Variants in PROX1 observed in about 807,000 individuals in gnomAD.
PROX1 encodes the protein prospero homeobox protein 1.
In PROX1, 7 loss-of-function variants were observed where a neutral mutation model predicts 58.8. The observed-to-expected ratio is 0.12, with a 90% confidence interval of 0.07 to 0.22. The LOEUF is 0.22. Ranked by LOEUF, PROX1 falls within the 10% of genes least tolerant of loss-of-function variation. The pLI is 1.00. For missense variants in PROX1, 675 were observed against 927.8 expected (o/e 0.73, Z 3.54); for synonymous variants, 350 against 358.3 (o/e 0.98, Z 0.26).
At chr1:213,988,788 TG>T in intron 1 of PROX1, 3 of 152,286 alleles carry the variant, frequency 2.0e-5, no homozygotes, top group East Asian at 2.0e-4. Context: ...GCGGTGGCGA[TG>T]GGGGGGAGGC....
chr1:214,007,164 T>A (rs1474654001), intron 3 of PROX1, among the ~76,000 whole-genome samples: 1 of 152,228 alleles, frequency 6.6e-6, no homozygotes, highest in African/African-American at 2.4e-5. Context: ...TTCCCATTCC[T>A]CTAGAATGCC....
intron 2 of PROX1, among the ~76,000 whole-genome samples, chr1:213,999,732 C>A (rs1268894118): frequency 3.3e-5 from 5 of 152,094 alleles, no homozygotes; most frequent in Non-Finnish European, 4.4e-5. Context: ...TCACTTGGAC[C>A]TTTTGAAGAT....
Position 213,996,472 on chromosome 1 carries a change from C to T in PROX1, c.-64C>T. The T allele has an allele frequency of 5.2e-6, 8 of 1,524,842 alleles. No homozygotes were observed. Among genetic ancestry groups the T allele is most frequent in the Admixed American group, 4.2e-5 (2 of 47,562 alleles). 94.5% of individuals were successfully genotyped at this position (1,524,842 alleles called of 1,614,324 possible). A position where few individuals can be genotyped will look rare whatever the true frequency, so the allele number is the denominator to read the frequency against. On this transcript the variant is annotated 5_prime_UTR_variant, in exon 2 of 5. Coordinates refer to ENST00000366958, the MANE Select transcript of PROX1 (RefSeq NM_001270616.2). The stretch of plus-strand genomic sequence containing the variant: ...GTCCTTTTGTTCTGTTGGCCAGGGT[C>T]CCGGGATTCTTGAGCTGTGCCCAGC...
intron 4 of PROX1, among the ~76,000 whole-genome samples, chr1:214,026,028 A>C (rs1011376377): frequency 6.6e-6 from 1 of 152,184 alleles, no homozygotes; most frequent in African/African-American, 2.4e-5. Context: ...CCAGATGAGC[A>C]ATTTCTGCAC....
chr1:214,012,327 C>G (rs570503390), intron 4 of PROX1, among the ~76,000 whole-genome samples: 2 of 152,142 alleles, frequency 1.3e-5, no homozygotes, highest in South Asian at 4.2e-4. Flanking sequence ...CCTAAGTGTA[C>G]CTTCACAAGC....
rs1187347455 is a variant in PROX1, at chr1:213,997,994, C to G, written c.1459C>G (p.Pro487Ala). 8.1e-6 allele frequency: 13 copies of G among 1,613,596 alleles called. No homozygotes were observed. Among genetic ancestry groups the G allele is most frequent in the East Asian group, 6.7e-5 (3 of 44,868 alleles). ...TSTFRHPFPL[P>A]LMAYPFQSPL... ...CACCTTCCGCCACCCCTTCCCCCTT[C>G]CCTTGATGGCCTATCCATTTCAGAG... The change falls in exon 2 of 5, where the codon CCC (proline) becomes GCC (alanine). Residue 487 changes from proline (P) to alanine (A), a missense_variant. Around this residue, in one of 8 missense-constraint regions of PROX1, gnomAD observed 403 missense variants for 477.4 expected, o/e 0.84. Transcript: ENST00000366958. The surrounding 1 kb of genome is among the most constrained non-coding windows in gnomAD (Gnocchi z 7.1).
chr1:214,020,231 T>C (rs1235920629), intron 4 of PROX1, among the ~76,000 whole-genome samples: 1 of 152,194 alleles, frequency 6.6e-6, no homozygotes, highest in Admixed American at 6.5e-5. Context: ...CCCCCCTCAC[T>C]ATTTCCTTGG....
intron 1 of PROX1, among the ~76,000 whole-genome samples, chr1:213,993,536 C>A (rs1283462575): frequency 2.0e-5 from 3 of 152,118 alleles, no homozygotes; most frequent in African/African-American, 7.2e-5. Context: ...GGTAACGTAA[C>A]AGTACATTTT....
upstream of PROX1, chr1:213,986,367 T>G (rs564802929): frequency 6.6e-6 from 1 of 152,220 alleles, no homozygotes; most frequent in Non-Finnish European, 1.5e-5. Context: ...TCCTTTTCAC[T>G]GTTTGAAATT....
intron 4 of PROX1, among the ~76,000 whole-genome samples, chr1:214,031,755 A>G (rs1440286727): frequency 3.3e-5 from 5 of 152,180 alleles, no homozygotes; most frequent in African/African-American, 1.2e-4. Context: ...CCCACAAAAC[A>G]TCAGAAAGTA....
rs1662878459 is a variant in PROX1 at position 213,988,192 on chromosome 1, TCTC to T, written c.-355_-353del. On this transcript the variant is annotated 5_prime_UTR_variant, in exon 1 of 5. Coordinates refer to ENST00000366958, the MANE Select transcript of PROX1 (RefSeq NM_001270616.2). ...CTTCCCTTAGCTCCTCTTCTTTTCT[TCTC>T]CTCTTCTTCCCTCTCCTCGCCTCTC... is the stretch of plus-strand genomic sequence containing the variant. The T allele has an allele frequency of 2.0e-5, 3 of 152,028 alleles. No homozygotes were observed. The highest frequency in any genetic ancestry group is 2.9e-5 in the Non-Finnish European group (2 of 68,470). 9.4% of individuals were successfully genotyped at this position (152,028 alleles called of 1,614,324 possible).
intron 1 of PROX1, among the ~76,000 whole-genome samples, chr1:213,991,229 G>A (rs555083229): frequency 4.6e-5 from 7 of 152,168 alleles, no homozygotes; most frequent in Non-Finnish European, 1.0e-4. Flanking sequence ...ACTATATCTG[G>A]CTTCTTAAAA....
In PROX1 at chr1:213,994,518, CT is replaced by C. The variant is rs1255564672; in HGVS notation, c.-67-1950del. 2.0e-5 allele frequency among the ~76,000 whole-genome samples: 3 copies of C among 151,932 alleles called. No homozygotes were observed. The East Asian group carries it at 5.8e-4, about 30-fold the overall frequency. On this transcript the variant is annotated intron_variant, in intron 1 of 4. Coordinates refer to ENST00000366958, the MANE Select transcript of PROX1 (RefSeq NM_001270616.2). ...TTGTCTCAGCCTCTCCTTGTTCTTT[CT>C]GTCATCTGACAGCTAACCTGATTTA...
At chr1:213,996,034 T>C (rs1452978409) in intron 1 of PROX1, among the ~76,000 whole-genome samples, 1 of 152,240 alleles carries the variant, frequency 6.6e-6, no homozygotes, top group Non-Finnish European at 1.5e-5. Flanking sequence ...AGAAATGCAA[T>C]TTTTCATGTG....
At chr1:214,027,367 T>A (rs999907079) in intron 4 of PROX1, among the ~76,000 whole-genome samples, 1 of 152,200 alleles carries the variant, frequency 6.6e-6, no homozygotes, top group Non-Finnish European at 1.5e-5. Flanking sequence ...CAGGTCAGCA[T>A]GAATAAAGAT....
At chr1:213,994,787 A>ATC in intron 1 of PROX1, among the ~76,000 whole-genome samples, 1 of 80,892 alleles carries the variant, frequency 1.2e-5, no homozygotes, top group African/African-American at 4.5e-5. Context: ...ATATATATAT[A>ATC]TATATATATA....
At chr1:214,010,016 T>A (rs1007471247) in intron 3 of PROX1, among the ~76,000 whole-genome samples, 4 of 152,108 alleles carry the variant, frequency 2.6e-5, no homozygotes, top group Non-Finnish European at 5.9e-5. Context: ...CAAATCGTAA[T>A]GGGTTTAAGT....
chr1:214,015,690 A>G (rs1275966379), intron 4 of PROX1, among the ~76,000 whole-genome samples: 2 of 152,106 alleles, frequency 1.3e-5, no homozygotes, highest in Non-Finnish European at 2.9e-5. Flanking sequence ...CATAGCAGCT[A>G]TATGTGCAGC....
intron 4 of PROX1, among the ~76,000 whole-genome samples, chr1:214,019,903 C>T (rs2102750475): frequency 6.6e-6 from 1 of 152,222 alleles, no homozygotes; most frequent in African/African-American, 2.4e-5. Flanking sequence ...TGGTTCTTCC[C>T]CATTTTCCTC....
Sources: gnomAD v4.1 joint callset for allele counts (sites outside exome capture counted in the v4.1 genomes callset) on GRCh38, gnomAD v4.1.1 for gene constraint, gnomAD v4.1.1 regional missense constraint, Gnocchi (gnomAD v3.1) non-coding constraint, MANE v1.5 for transcripts, NCBI Gene and HGNC (gene_info 2026-07-23, HGNC 2026-07-21) for gene names.